Variants in DOP1A observed in about 807,000 individuals in gnomAD.
The protein encoded by DOP1A is DOP1 leucine zipper like protein A, also known as protein DOP1A.
A neutral mutation model predicts 267.6 loss-of-function variants in DOP1A; 90 were observed. The ratio of observed to expected loss-of-function variants is 0.34; its 90% CI spans 0.28 to 0.40. DOP1A has a LOEUF of 0.40. Among genes scored for constraint, DOP1A ranks in the 10% least tolerant of loss-of-function variants. DOP1A has a pLI of 1.00. For missense variants in DOP1A, 2,437 were observed against 2,900.4 expected, an observed-to-expected ratio of 0.84 and a Z score of 3.67; for synonymous variants, 932 against 999.1, an observed-to-expected ratio of 0.93 and a Z score of 1.27.
intron 1 of DOP1A, among the ~76,000 whole-genome samples, chr6:83,090,135 A>G (rs1251355928): frequency 6.6e-6 from 1 of 152,230 alleles, no homozygotes; most frequent in Non-Finnish European, 1.5e-5. Context: ...CGTAGGAAAT[A>G]ATGACGACAA....
intron 1 of DOP1A, among the ~76,000 whole-genome samples, chr6:83,095,618 C>T (rs1470564083): frequency 6.6e-6 from 1 of 152,122 alleles, no homozygotes; most frequent in Non-Finnish European, 1.5e-5. Flanking sequence ...TCAATTATTC[C>T]TATTACCCTA....
At chr6:83,113,768 A>T (rs16881106) in intron 7 of DOP1A, among the ~76,000 whole-genome samples, 1,638 of 152,302 alleles carry the variant, frequency 0.011, 40 homozygotes, top group African/African-American at 0.036. Context: ...TGTTTTGGTG[A>T]TTTTAACATG....
chr6:83,103,471 A>C (rs574354345), intron 4 of DOP1A, among the ~76,000 whole-genome samples: 2 of 152,208 alleles, frequency 1.3e-5, no homozygotes, highest in African/African-American at 4.8e-5. Context: ...CCTATTCCCC[A>C]AAAAAACCAT....
intron 14 of DOP1A, 113 bp downstream of exon 14, chr6:83,125,308 G>A: frequency 1.7e-6 from 2 of 1,192,968 alleles, no homozygotes; most frequent in South Asian, 1.6e-5. Flanking sequence ...ATGCTTTGAA[G>A]TATTTAAATT....
chr6:83,088,419 CTTTT>C (rs746293399), intron 1 of DOP1A, among the ~76,000 whole-genome samples: 1 of 115,576 alleles, frequency 8.7e-6, no homozygotes. Flanking sequence ...TGTCTTCCAT[CTTTT>C]TTTTTTTTTT....
chr6:83,109,179 T>G (rs1289005357), intron 5 of DOP1A, 99 bp downstream of exon 5: 17 of 1,079,362 alleles, frequency 1.6e-5, no homozygotes, highest in Non-Finnish European at 2.0e-5. Flanking sequence ...TGAATTATTC[T>G]AGACAGTTCA....
intron 16 of DOP1A, 95 bp downstream of exon 16, chr6:83,129,603 A>C (rs1777715957): frequency 4.0e-6 from 5 of 1,241,828 alleles, no homozygotes. Context: ...TTTTTTAGCC[A>C]GTTACTTTTT....
chr6:83,154,645 T>C (rs1243474107), intron 33 of DOP1A, among the ~76,000 whole-genome samples: 1 of 152,136 alleles, frequency 6.6e-6, no homozygotes, highest in Non-Finnish European at 1.5e-5. Flanking sequence ...GAATCCAGCC[T>C]ATCAGACAAG....
intron 7 of DOP1A, among the ~76,000 whole-genome samples, chr6:83,114,127 G>A (rs568052053): frequency 1.3e-5 from 2 of 152,204 alleles, no homozygotes; most frequent in African/African-American, 4.8e-5. Context: ...TAAGAACTGT[G>A]ATTAATAGAT....
chr6:83,092,550 T>C (rs1177266860), intron 1 of DOP1A, among the ~76,000 whole-genome samples: 1 of 74,984 alleles, frequency 1.3e-5, no homozygotes, highest in Non-Finnish European at 3.0e-5. Context: ...GGGACAGTAG[T>C]GTCCCTCCCC....
intron 1 of DOP1A, among the ~76,000 whole-genome samples, chr6:83,073,671 A>G (rs1785988931): frequency 2.0e-5 from 3 of 152,200 alleles, no homozygotes. Flanking sequence ...ATCTCACACA[A>G]TTTTTGTCAG....
intron 1 of DOP1A, among the ~76,000 whole-genome samples, chr6:83,089,587 G>A (rs1012846773): frequency 6.6e-6 from 1 of 152,124 alleles, no homozygotes; most frequent in Non-Finnish European, 1.5e-5. Context: ...GAGAAACTAC[G>A]ATTAACAGCC....
At chr6:83,120,539 C>T (rs1776195897) in intron 9 of DOP1A, 144 bp from the exon 10 acceptor site, 3 of 513,482 alleles carry the variant, frequency 5.8e-6, no homozygotes, top group African/African-American at 1.9e-5. Flanking sequence ...AGTAAGAAGG[C>T]CAAGGTTGGT....
At chr6:83,160,149 T>C (rs1783894500) in intron 37 of DOP1A, among the ~76,000 whole-genome samples, 189 bp downstream of exon 37, 1 of 152,230 alleles carries the variant, frequency 6.6e-6, no homozygotes, top group Non-Finnish European at 1.5e-5. Flanking sequence ...TAACAGACTA[T>C]TCAGTCAACA....
At position 83,073,834 on chromosome 6, in the gene DOP1A, C is replaced by A. The variant is rs185400084; in HGVS notation, c.-147+6055C>A. ...TGATGTAGTTCCTCCCCACATGGGC[C>A]TCTTCACAGGTCTGCTTTGAGTGTC... On this transcript the variant is annotated intron_variant, in intron 1 of 38. Coordinates refer to ENST00000349129, the MANE Select transcript of DOP1A (RefSeq NM_015018.4). Among the ~76,000 whole-genome samples the A allele has an allele frequency of 5.3e-5, 8 of 152,312 alleles. No homozygotes were observed. In the East Asian group the frequency reaches 1.4e-3, roughly 26 times the overall value.
Position 83,100,900 on chromosome 6 carries a change from T to A in DOP1A, c.320+14T>A, listed in dbSNP as rs778032581. The A allele has an allele frequency of 7.7e-6, 11 of 1,432,380 alleles. No homozygotes were observed. The highest frequency in any genetic ancestry group is 1.0e-5 in the Non-Finnish European group (11 of 1,069,132). The allele number at this position is 1,432,380 out of a possible 1,614,324, so 88.7% of individuals were successfully genotyped here. On this transcript the variant is annotated intron_variant, in intron 4 of 38. Transcript: ENST00000349129. The stretch of plus-strand genomic sequence containing the variant: ...TTTTTTATATAGGTAAGAATAATTT[T>A]ACTATATATATACAAATAATATAAA...
chr6:83,168,878 GT>G (rs1404291045), downstream of DOP1A: 1 of 1,054,136 alleles, frequency 9.5e-7, no homozygotes, highest in Non-Finnish European at 1.1e-6. Context: ...TCTTGCTCAT[GT>G]GATGGTGATG....
intron 38 of DOP1A, chr6:83,165,467 A>C (rs183788216): frequency 6.5e-6 from 1 of 153,334 alleles, no homozygotes; most frequent in Admixed American, 6.5e-5. Context: ...CATGAATTTT[A>C]AGTCATTATA....
chr6:83,110,163 A>G lies in DOP1A; in HGVS notation c.530A>G (p.Asp177Gly). ...MLLEKVAAAV[D>G]QSAFYSALWG... ...TTGGAAAAGGTTGCTGCTGCTGTGG[A>G]CCAGTCAGCATTCTACAGTGCCCTG... Residue 177 changes from aspartate to glycine, a missense_variant, in exon 6 of 39, where the codon GAC becomes GGC. Around this residue, in one of 9 missense-constraint regions of DOP1A, gnomAD observed 251 missense variants for 359.1 expected, o/e 0.70. Coordinates refer to ENST00000349129, the MANE Select transcript of DOP1A (RefSeq NM_015018.4). The G allele has an allele frequency of 6.2e-7, 1 of 1,611,262 alleles. No individual in the cohort carries two copies. Among genetic ancestry groups the G allele is most frequent in the Non-Finnish European group, 8.5e-7 (1 of 1,178,792 alleles).
Sources: allele counts gnomAD v4.1 joint callset (sites outside exome capture counted in the v4.1 genomes callset), GRCh38; gene constraint gnomAD v4.1.1; regional missense constraint gnomAD v4.1.1; transcripts MANE v1.5; gene names NCBI Gene and HGNC (gene_info 2026-07-23, HGNC 2026-07-21).